The following PTPRF variants were observed in gnomAD, a reference collection of about 807,000 sequenced individuals.
PTPRF encodes the protein protein tyrosine phosphatase receptor type F, also known as receptor-type tyrosine-protein phosphatase F.
A neutral mutation model predicts 201.8 loss-of-function variants in PTPRF; 59 were observed. The ratio of observed to expected loss-of-function variants is 0.29; its 90% CI spans 0.24 to 0.36. PTPRF has a LOEUF of 0.36. Ranked by LOEUF, PTPRF falls within the 10% of genes least tolerant of loss-of-function variation. PTPRF has a pLI of 1.00. For missense variants in PTPRF, 2,132 were observed against 2,690.5 expected (o/e 0.79, Z 4.59); for synonymous variants, 1,088 against 1,089.7 (o/e 1.00, Z 0.03).
chr1:43,609,450 C>G lies in PTPRF; in HGVS notation c.3925C>G (p.His1309Asp). ...SIGLKDSLLA[H>D]SSDPVEMRRL... The stretch of plus-strand genomic sequence containing the variant: ...CGGACTGAAGGACTCCTTGCTGGCC[C>G]ACTCCTCTGACCCTGTGGAGATGCG... The change falls in exon 22 of 34, where the codon CAC (histidine) becomes GAC (aspartate). Residue 1309 changes from histidine to aspartate, a missense_variant. Coordinates refer to ENST00000359947, the MANE Select transcript of PTPRF (RefSeq NM_002840.5). 1 of 1,614,072 alleles carries G rather than the reference C, an allele frequency of 6.2e-7. No homozygotes were observed. Among genetic ancestry groups the G allele is most frequent in the Non-Finnish European group, 8.5e-7 (1 of 1,179,986 alleles).
chr1:43,608,197 C>T (rs1388183038), intron 21 of PTPRF, among the ~76,000 whole-genome samples: 2 of 152,218 alleles, frequency 1.3e-5, no homozygotes, highest in African/African-American at 4.8e-5. Context: ...TAGACCCCCT[C>T]CCTGTGAATG....
intron 24 of PTPRF, 28 bp from the exon 25 acceptor site, chr1:43,617,708 G>A (rs1658208646): frequency 6.2e-7 from 1 of 1,605,940 alleles, no homozygotes; most frequent in East Asian, 2.2e-5. Context: ...CTGTAGTAAT[G>A]CCCTCCCACC....
intron 7 of PTPRF, among the ~76,000 whole-genome samples, chr1:43,586,819 C>T (rs951923551): frequency 6.6e-6 from 1 of 152,190 alleles, no homozygotes; most frequent in Non-Finnish European, 1.5e-5. Context: ...GCTTAGCTAC[C>T]TCAGTAGAGA....
In PTPRF at chr1:43,605,002, T is replaced by A; in HGVS notation, c.3135+2T>A. On this transcript the variant is annotated splice_donor_variant, in intron 17 of 33. Coordinates refer to ENST00000359947, the MANE Select transcript of PTPRF (RefSeq NM_002840.5). LOFTEE classifies it high-confidence loss of function. ...TATAAGTCAGCTGTGCCCTTTAAGG[T>A]GAGTAAGGGCCACGGCCAGCTGAGC... 1 of 1,613,340 alleles carries A rather than the reference T, an allele frequency of 6.2e-7. No homozygotes were observed. Among genetic ancestry groups the A allele is most frequent in the Non-Finnish European group, 8.5e-7 (1 of 1,179,530 alleles).
Position 43,609,397 on chromosome 1 carries a change from C to G in PTPRF, c.3872C>G (p.Ser1291Cys), listed in dbSNP as rs1448221458. Reference sequence around the variant, plus strand: ...TGTCTCTCTAGGAAAAGGACCCACTCTCCGTCCTCTAAGGATGAGCAGTCG... The same window carrying G: ...TGTCTCTCTAGGAAAAGGACCCACTGTCCGTCCTCTAAGGATGAGCAGTCG... ...ILLFKRKRTH[S>C]PSSKDEQSIG... is the part of the protein sequence containing the mutation. The change falls in exon 22 of 34, where the codon TCT becomes TGT. Residue 1291 changes from serine (S) to cysteine (C), a missense_variant. Coordinates refer to ENST00000359947, the MANE Select transcript of PTPRF (RefSeq NM_002840.5). 1.9e-6 allele frequency: 3 copies of G among 1,613,882 alleles called. No homozygotes were observed. Among genetic ancestry groups the G allele is most frequent in the African/African-American group, 1.3e-5 (1 of 74,914 alleles).
chr1:43,621,960 C>T lies in PTPRF; in HGVS notation c.5681C>T (p.Ala1894Val), dbSNP rs764413298. The change falls in exon 34 of 34, where the codon GCG (alanine) becomes GTG (valine). Residue 1894 changes from alanine to valine, a missense_variant. By Grantham distance (64) the Ala-to-Val change is moderately conservative. Transcript: ENST00000359947. Reference protein sequence around the residue: ...TEDQYQLCYRAALEYLGSFDH... With the variant: ...TEDQYQLCYRVALEYLGSFDH... ...GACCAGTATCAGCTGTGCTACCGTG[C>T]GGCCCTGGAGTACCTCGGCAGCTTT... 9.3e-6 allele frequency: 15 copies of T among 1,613,990 alleles called. No individual in the cohort carries two copies. Among genetic ancestry groups the T allele is most frequent in the African/African-American group, 2.7e-5 (2 of 74,940 alleles).
intron 22 of PTPRF, among the ~76,000 whole-genome samples, chr1:43,610,686 C>G (rs1656225037): frequency 6.6e-6 from 1 of 152,184 alleles, no homozygotes; most frequent in African/African-American, 2.4e-5. Flanking sequence ...TCGAGACCAG[C>G]TAATGAAATC....
Position 43,562,312 on chromosome 1 carries a change from G to C in PTPRF, c.380-7278G>C, listed in dbSNP as rs554456380. Among the ~76,000 whole-genome samples the C allele has an allele frequency of 4.3e-4, 65 of 152,028 alleles. 1 individual carries two copies. In the South Asian group the frequency reaches 0.012, roughly 29 times the overall value. On this transcript the variant is annotated intron_variant, in intron 5 of 33. Coordinates refer to ENST00000359947, the MANE Select transcript of PTPRF (RefSeq NM_002840.5). ...TTTAGTAGAGATGGGGTTTCACCGTGTTAGCCAGGATGGTCTTGACCTCCT... is the reference window on the plus strand; with the variant it reads ...TTTAGTAGAGATGGGGTTTCACCGTCTTAGCCAGGATGGTCTTGACCTCCT...
At chr1:43,620,621 A>C in intron 31 of PTPRF, 42 bp downstream of exon 31, 2 of 1,600,570 alleles carry the variant, frequency 1.2e-6, no homozygotes. Flanking sequence ...CTGCCTGTCC[A>C]CACGCTGGGT....
chr1:43,621,111 G>T lies in PTPRF; in HGVS notation c.5534G>T (p.Arg1845Leu). 6.2e-7 allele frequency: 1 copy of T among 1,614,146 alleles called. No individual in the cohort carries two copies. The highest frequency in any genetic ancestry group is 1.1e-5 in the South Asian group (1 of 91,076). The change falls in exon 33 of 34, where the codon CGC becomes CTC. Residue 1845 changes from arginine to leucine, a missense_variant. By Grantham distance (102) the Arg-to-Leu change is moderately radical. Coordinates refer to ENST00000359947, the MANE Select transcript of PTPRF (RefSeq NM_002840.5). ...TTTCTGAGCAGTGCTGGCGTGGGCC[G>T]CACCGGGGTGTTCATCACTCTGAGC... is the stretch of plus-strand genomic sequence containing the variant. ...ITVHCSAGVG[R>L]TGVFITLSIV... is the part of the protein sequence containing the mutation.
upstream of PTPRF, among the ~76,000 whole-genome samples, chr1:43,526,402 C>T (rs1255557485): frequency 2.0e-5 from 3 of 151,964 alleles, no homozygotes; most frequent in African/African-American, 7.3e-5. Flanking sequence ...CGAGATCAGC[C>T]TGGGCAACAT....
intron 17 of PTPRF, 22 bp from the exon 18 acceptor site, chr1:43,605,168 T>C (rs765835112): frequency 3.8e-6 from 6 of 1,582,408 alleles, no homozygotes; most frequent in Non-Finnish European, 5.2e-6. Context: ...AAGGCATTGA[T>C]TGCCCCTCCC....
In PTPRF at chr1:43,545,144, G is replaced by T; in HGVS notation, c.69G>T (p.Leu23Phe). 1 of 1,584,742 alleles carries T rather than the reference G, an allele frequency of 6.3e-7. No individual in the cohort carries two copies. Among genetic ancestry groups the T allele is most frequent in the Non-Finnish European group, 8.6e-7 (1 of 1,165,016 alleles). The change falls in exon 3 of 34, where the codon TTG (leucine) becomes TTT (phenylalanine). Residue 23 changes from leucine (L) to phenylalanine (F), a missense_variant. Physicochemically the swap from Leu to Phe is conservative, Grantham distance 22. Around this residue, in one of 6 missense-constraint regions of PTPRF, gnomAD observed 297 missense variants for 454.0 expected, o/e 0.65. Transcript: ENST00000359947. ...TGCCTGCACTGGTGATGCTTGGTTT[G>T]GTGGCAGGCGCCCATGGTGACAGTA... The part of the protein sequence containing the change: ...PLVPALVMLG[L>F]VAGAHGDSKP...
In PTPRF at chr1:43,578,096, C is replaced by T. The variant is rs879660681; in HGVS notation, c.569-714C>T. Among the ~76,000 whole-genome samples the T allele has an allele frequency of 1.6e-4, 24 of 152,350 alleles. 1 individual carries two copies. In the South Asian group the frequency reaches 2.5e-3, roughly 16 times the overall value. The stretch of plus-strand genomic sequence containing the variant: ...ACCCCGATCCTGGCTCCTGTCTGTC[C>T]GTCTGCGGCCAGAGCAGCCCCTCAG... On this transcript the variant is annotated intron_variant, in intron 6 of 33. Coordinates refer to ENST00000359947, the MANE Select transcript of PTPRF (RefSeq NM_002840.5).
Position 43,618,847 on chromosome 1 carries a change from G to T in PTPRF, c.4491+98G>T. 2.6e-6 allele frequency: 4 copies of T among 1,528,402 alleles called. No individual in the cohort carries two copies. In the South Asian group the frequency reaches 4.9e-5, roughly 19 times the overall value. 94.7% of individuals were successfully genotyped at this position (1,528,402 alleles called of 1,614,324 possible). A position where few individuals can be genotyped will look rare whatever the true frequency, so the allele number is the denominator to read the frequency against. On this transcript the variant is annotated intron_variant, in intron 26 of 33. Coordinates refer to ENST00000359947, the MANE Select transcript of PTPRF (RefSeq NM_002840.5). Reference sequence around the variant, plus strand: ...GTCGGGGGGAAGCTGGAGCCTGGGTGTTGGAGGGTCGGAGGCTCAGGTGTG... The same window carrying T: ...GTCGGGGGGAAGCTGGAGCCTGGGTTTTGGAGGGTCGGAGGCTCAGGTGTG...
intron 7 of PTPRF, among the ~76,000 whole-genome samples, chr1:43,584,718 G>A (rs1210800830): frequency 2.6e-5 from 4 of 152,166 alleles, no homozygotes; most frequent in Non-Finnish European, 4.4e-5. Flanking sequence ...ACTGTGTGCC[G>A]GGTTTGCCGG....
intron 7 of PTPRF, chr1:43,583,215 C>T (rs1648207951): frequency 1.7e-5 from 12 of 714,644 alleles, no homozygotes; most frequent in Non-Finnish European, 2.1e-5. Context: ...GCCTGCCAGT[C>T]TCTGTTGTTT....
intron 10 of PTPRF, 116 bp downstream of exon 10, chr1:43,592,064 A>C: frequency 7.0e-7 from 1 of 1,429,048 alleles, no homozygotes; most frequent in Non-Finnish European, 9.6e-7. Flanking sequence ...ACAGCCTCTA[A>C]GGTTTCTGCT....
Position 43,588,641 on chromosome 1 carries a change from A to C in PTPRF, c.680-90A>C. The C allele has an allele frequency of 6.5e-7, 1 of 1,528,208 alleles. No homozygotes were observed. Among genetic ancestry groups the C allele is most frequent in the Non-Finnish European group, 8.8e-7 (1 of 1,131,632 alleles). The allele number at this position is 1,528,208 out of a possible 1,614,324, so 94.7% of individuals were successfully genotyped here. On this transcript the variant is annotated intron_variant, in intron 7 of 33. Coordinates refer to ENST00000359947, the MANE Select transcript of PTPRF (RefSeq NM_002840.5). The surrounding 1 kb of genome is among the most constrained non-coding windows in gnomAD (Gnocchi z 5.3). Reference sequence around the variant, plus strand: ...TCTGAGCATGGGTTTGGCTCTGACCAGAGGGGCTTCCTGAATGAGGGGCCC... The same window carrying C: ...TCTGAGCATGGGTTTGGCTCTGACCCGAGGGGCTTCCTGAATGAGGGGCCC...
Sources: allele counts gnomAD v4.1 joint callset (sites outside exome capture counted in the v4.1 genomes callset), GRCh38; gene constraint gnomAD v4.1.1; regional missense constraint gnomAD v4.1.1; non-coding constraint Gnocchi (gnomAD v3.1); transcripts MANE v1.5; gene names NCBI Gene and HGNC (gene_info 2026-07-23, HGNC 2026-07-21).